The following ANGPT2 variants were observed in gnomAD, a reference collection of about 807,000 sequenced individuals.
ANGPT2 encodes angiopoietin-2.
In ANGPT2, 28 loss-of-function variants were observed where a neutral mutation model predicts 62.9. The observed-to-expected ratio is 0.44, with a 90% CI of 0.33 to 0.61. ANGPT2 has a LOEUF of 0.61. Ranked by LOEUF, ANGPT2 falls within the 20% of genes least tolerant of loss-of-function variation. ANGPT2 has a pLI of 0.03. For synonymous variants in ANGPT2, 284 were observed against 207.8 expected, an observed-to-expected ratio of 1.37 and a Z score of -3.15; for missense variants, 727 against 594.9, an observed-to-expected ratio of 1.22 and a Z score of -2.31.
At chr8:6,532,201 C>A in intron 2 of ANGPT2, 131 bp downstream of exon 2, 1 of 1,067,538 alleles carries the variant, frequency 9.4e-7, no homozygotes, top group Middle Eastern at 2.6e-4. Context: ...AATTTCTTAT[C>A]AATTCATTCC....
intron 3 of ANGPT2, among the ~76,000 whole-genome samples, chr8:6,525,030 C>A (rs751120325): frequency 3.3e-5 from 5 of 152,198 alleles, no homozygotes; most frequent in Non-Finnish European, 7.3e-5. Flanking sequence ...TGAAGGCATT[C>A]GATTTCATGG....
intron 1 of ANGPT2, among the ~76,000 whole-genome samples, chr8:6,555,448 A>G (rs2922883): frequency 0.99 from 149,889 of 150,738 alleles, 74,528 homozygotes; most frequent in Middle Eastern, 1. Flanking sequence ...AATTTGTTTT[A>G]CGGGGGGTGG....
chr8:6,536,279 G>C (rs142625847), intron 1 of ANGPT2, among the ~76,000 whole-genome samples: 3 of 152,188 alleles, frequency 2.0e-5, no homozygotes, highest in Non-Finnish European at 2.9e-5. Flanking sequence ...TGCTGTATGG[G>C]AATCGCTGTG....
At chr8:6,535,993 G>T (rs1039815034) in intron 1 of ANGPT2, among the ~76,000 whole-genome samples, 1 of 152,132 alleles carries the variant, frequency 6.6e-6, no homozygotes, top group Admixed American at 6.5e-5. Flanking sequence ...GGAGAGCAAG[G>T]CTGCAGTGAG....
rs141402589 is a variant in ANGPT2 at position 6,519,372 on chromosome 8, C to T, written c.927+492G>A. Among the ~76,000 whole-genome samples, 69 of 152,158 alleles carry T rather than the reference C, an allele frequency of 4.5e-4. No homozygotes were observed. In the East Asian group the frequency reaches 0.011, roughly 25 times the overall value. On this transcript the variant is annotated intron_variant, in intron 5 of 8. Transcript: ENST00000629816. ...ACCATCCCCGTGTGAGGCAGGGCAG[C>T]GGTAGCTAACTGTACAAGTCACTAT...
intron 3 of ANGPT2, among the ~76,000 whole-genome samples, chr8:6,522,821 A>T (rs1817624695): frequency 1.3e-5 from 2 of 151,980 alleles, no homozygotes; most frequent in South Asian, 4.1e-4. Flanking sequence ...TGAATCACAT[A>T]CCTAAAGTCA....
intron 8 of ANGPT2, 108 bp downstream of exon 8, chr8:6,508,824 A>T (rs538726593): frequency 2.0e-6 from 3 of 1,477,006 alleles, no homozygotes; most frequent in South Asian, 1.1e-5. Context: ...TACGTATGAA[A>T]TTGTGGACAT....
intron 8 of ANGPT2, among the ~76,000 whole-genome samples, chr8:6,505,806 ATTC>A (rs1042927578): frequency 1.6e-5 from 2 of 127,614 alleles, no homozygotes; most frequent in East Asian, 2.1e-4. Flanking sequence ...AAACATGCAT[ATTC>A]TTTATATATG....
chr8:6,517,719 G>A (rs982732988), intron 5 of ANGPT2, among the ~76,000 whole-genome samples: 5 of 152,064 alleles, frequency 3.3e-5, no homozygotes, highest in Non-Finnish European at 5.9e-5. Flanking sequence ...GGGTATCATT[G>A]TTCTGTTACA....
At chr8:6,547,797 C>T (rs183859215) in intron 1 of ANGPT2, among the ~76,000 whole-genome samples, 43 of 152,144 alleles carry the variant, frequency 2.8e-4, no homozygotes, top group African/African-American at 1.0e-3. Flanking sequence ...GAATGCGGGG[C>T]CAGGGGAGCA....
In ANGPT2 at chr8:6,502,627, G is replaced by C. The variant is rs1428136436; in HGVS notation, c.*474C>G. ...CCTGAATATGTCTTTTTATGGCTTA[G>C]AGAGTTTTTTTCTTCCTTTTAATTG... On this transcript the variant is annotated 3_prime_UTR_variant, in exon 9 of 9. Transcript: ENST00000629816. The C allele has an allele frequency of 6.5e-6, 1 of 152,964 alleles. No individual in the cohort carries two copies. The highest frequency in any genetic ancestry group is 2.4e-5 in the African/African-American group (1 of 41,454). 9.5% of individuals were successfully genotyped at this position (152,964 alleles called of 1,614,324 possible). A position where few individuals can be genotyped will look rare whatever the true frequency, so the allele number is the denominator to read the frequency against.
chr8:6,560,397 G>C (rs1049434433), intron 1 of ANGPT2, among the ~76,000 whole-genome samples: 2 of 152,098 alleles, frequency 1.3e-5, no homozygotes, highest in Non-Finnish European at 2.9e-5. Context: ...GAGAAAATCA[G>C]TGTTTATTAT....
intron 2 of ANGPT2, among the ~76,000 whole-genome samples, chr8:6,529,462 T>G (rs1254408508): frequency 6.6e-6 from 1 of 151,354 alleles, no homozygotes; most frequent in Non-Finnish European, 1.5e-5. Context: ...TCTTTTTTTT[T>G]TTTTTTTGAG....
chr8:6,556,190 T>G (rs560363067), intron 1 of ANGPT2, among the ~76,000 whole-genome samples: 1 of 152,324 alleles, frequency 6.6e-6, no homozygotes, highest in East Asian at 1.9e-4. Context: ...AAGAGGTAAT[T>G]TAAAATATGT....
intron 8 of ANGPT2, among the ~76,000 whole-genome samples, chr8:6,505,298 T>TAGA (rs1563305811): frequency 8.2e-5 from 7 of 85,588 alleles, no homozygotes; most frequent in African/African-American, 5.2e-4. Context: ...TATATACATA[T>TAGA]ATATGTATAT....
chr8:6,547,876 C>G (rs1275700690), intron 1 of ANGPT2, among the ~76,000 whole-genome samples: 4 of 149,860 alleles, frequency 2.7e-5, no homozygotes, highest in Admixed American at 1.3e-4. Flanking sequence ...AGTGAGTCAT[C>G]TTACCCCCAT....
chr8:6,505,386 T>TTTATATACATAAAGA lies in ANGPT2; in HGVS notation c.1328-2126_1328-2125insTCTTTATGTATATAA, dbSNP rs1813290204. 2.8e-4 allele frequency among the ~76,000 whole-genome samples: 14 copies of TTTATATACATAAAGA among 50,210 alleles called. 1 individual carries two copies. The highest frequency in any genetic ancestry group is 8.2e-4 in the African/African-American group (13 of 15,948). 32.9% of individuals were successfully genotyped at this position (50,210 alleles called of 152,430 possible). ...GTATATAGAATATATATATTCTTTC[T>TTTATATACATAAAGA]ATATGTATATAGAATATATATATTC... On this transcript the variant is annotated intron_variant, in intron 8 of 8. Transcript: ENST00000629816.
At chr8:6,549,041 G>T (rs771121247) in intron 1 of ANGPT2, among the ~76,000 whole-genome samples, 1 of 152,196 alleles carries the variant, frequency 6.6e-6, no homozygotes, top group Admixed American at 6.5e-5. Context: ...ACCACTCAGC[G>T]TATTTTCTGC....
At chr8:6,561,471 G>T (rs1407099335) in intron 1 of ANGPT2, among the ~76,000 whole-genome samples, 1 of 152,238 alleles carries the variant, frequency 6.6e-6, no homozygotes, top group Non-Finnish European at 1.5e-5. Flanking sequence ...TAGGCTCCAA[G>T]ATCCGTTCTG....
Sources: allele counts gnomAD v4.1 joint callset (sites outside exome capture counted in the v4.1 genomes callset), GRCh38; gene constraint gnomAD v4.1.1; transcripts MANE v1.5; gene names NCBI Gene and HGNC (gene_info 2026-07-23, HGNC 2026-07-21).